Variants in PRKG1 observed in about 807,000 individuals in gnomAD.
The protein encoded by PRKG1 is cGMP-dependent protein kinase 1.
Under a neutral mutation model 88.1 loss-of-function variants are expected in PRKG1, and 35 were observed. The ratio of observed to expected loss-of-function variants is 0.40; its 90% CI spans 0.30 to 0.53. The LOEUF is 0.53. Ranked by LOEUF, PRKG1 falls within the 20% of genes least tolerant of loss-of-function variation. The probability of loss-of-function intolerance (pLI) is 0.59; values close to 1 mark genes in which losing one functional copy is unlikely to be tolerated. For missense variants in PRKG1, 540 were observed against 839.8 expected, an observed-to-expected ratio of 0.64 and a Z score of 4.41; for synonymous variants, 303 against 292.5, an observed-to-expected ratio of 1.04 and a Z score of -0.37.
intron 1 of PRKG1, among the ~76,000 whole-genome samples, chr10:51,012,380 G>C (rs1843003137): frequency 6.6e-6 from 1 of 152,182 alleles, no homozygotes; most frequent in African/African-American, 2.4e-5. Context: ...AATTCTAACA[G>C]TGATATGTGT....
At chr10:51,383,999 G>T (rs1837185432) in intron 2 of PRKG1, among the ~76,000 whole-genome samples, 1 of 152,088 alleles carries the variant, frequency 6.6e-6, no homozygotes, top group South Asian at 2.1e-4. Context: ...GCTTGTAAAT[G>T]AGGTACATTA....
intron 1 of PRKG1, among the ~76,000 whole-genome samples, chr10:50,996,874 G>C (rs1008891124): frequency 6.6e-6 from 1 of 152,124 alleles, no homozygotes; most frequent in Non-Finnish European, 1.5e-5. Flanking sequence ...TTTTGGGAGA[G>C]GATATTTATT....
chr10:51,056,368 A>C (rs1843625988), intron 1 of PRKG1, among the ~76,000 whole-genome samples: 1 of 93,280 alleles, frequency 1.1e-5, no homozygotes, highest in Admixed American at 1.3e-4. Flanking sequence ...ACCTGGTTAC[A>C]CAGGAGCTTG....
intron 1 of PRKG1, among the ~76,000 whole-genome samples, chr10:51,125,879 C>A (rs1845385039): frequency 7.5e-6 from 1 of 132,668 alleles, no homozygotes; most frequent in African/African-American, 2.8e-5. Flanking sequence ...TTTTAATAAA[C>A]TTATATGATT....
At chr10:51,776,912 G>T (rs540918966) in intron 3 of PRKG1, among the ~76,000 whole-genome samples, 2 of 152,208 alleles carry the variant, frequency 1.3e-5, no homozygotes, top group African/African-American at 4.8e-5. Flanking sequence ...TTAGATGTTT[G>T]GAAATCCTAT....
At chr10:51,606,502 G>C (rs917028101) in intron 3 of PRKG1, among the ~76,000 whole-genome samples, 1 of 152,134 alleles carries the variant, frequency 6.6e-6, no homozygotes, top group East Asian at 1.9e-4. Flanking sequence ...ATTGAAGACA[G>C]AGTAATTATA....
intron 5 of PRKG1, among the ~76,000 whole-genome samples, chr10:51,941,877 A>G (rs1448855128): frequency 6.6e-6 from 1 of 151,808 alleles, no homozygotes; most frequent in Non-Finnish European, 1.5e-5. Flanking sequence ...GGTTGGTTCC[A>G]AGTCTTTGCT....
chr10:51,455,904 C>G (rs1298588627), intron 2 of PRKG1, among the ~76,000 whole-genome samples: 1 of 152,170 alleles, frequency 6.6e-6, no homozygotes, highest in Non-Finnish European at 1.5e-5. Flanking sequence ...TGCCTGTTAC[C>G]CAATTTGAAA....
At chr10:51,985,697 G>A (rs1564739757) in intron 5 of PRKG1, among the ~76,000 whole-genome samples, 1 of 151,976 alleles carries the variant, frequency 6.6e-6, no homozygotes, top group Admixed American at 6.6e-5. Flanking sequence ...AAAAATGGTT[G>A]TATCATACTT....
At chr10:51,187,497 T>A (rs1282152622) in intron 2 of PRKG1, among the ~76,000 whole-genome samples, 17 of 152,040 alleles carry the variant, frequency 1.1e-4, no homozygotes, top group Non-Finnish European at 1.3e-4. Context: ...TCTCAGACAT[T>A]CAGATTTTAC....
intron 2 of PRKG1, among the ~76,000 whole-genome samples, chr10:51,268,833 T>A (rs1001571668): frequency 2.0e-5 from 3 of 152,194 alleles, no homozygotes; most frequent in African/African-American, 7.2e-5. Context: ...CCATGAAATC[T>A]TCACAATTTA....
intron 3 of PRKG1, among the ~76,000 whole-genome samples, chr10:51,660,981 A>C (rs1378210767): frequency 2.6e-5 from 4 of 152,124 alleles, no homozygotes; most frequent in Non-Finnish European, 5.9e-5. Context: ...AACATAAATC[A>C]CATATTAGAA....
chr10:51,474,656 A>G (rs546269565), intron 3 of PRKG1, among the ~76,000 whole-genome samples: 20 of 152,118 alleles, frequency 1.3e-4, no homozygotes, highest in Non-Finnish European at 2.5e-4. Flanking sequence ...TAGTTAATAA[A>G]TTTCTTCAAA....
chr10:51,039,529 T>G (rs1040361436), intron 1 of PRKG1, among the ~76,000 whole-genome samples: 2 of 152,192 alleles, frequency 1.3e-5, no homozygotes, highest in African/African-American at 4.8e-5. Context: ...TCCCATTCCT[T>G]GGGTTGTGTC....
chr10:51,542,703 G>T (rs1043995004), intron 3 of PRKG1, among the ~76,000 whole-genome samples: 4 of 151,940 alleles, frequency 2.6e-5, no homozygotes, highest in Non-Finnish European at 1.5e-5. Context: ...GAAGCAGTCT[G>T]GCTGGAAACC....
intron 5 of PRKG1, among the ~76,000 whole-genome samples, chr10:51,955,493 C>A (rs76528648): frequency 0.028 from 4,205 of 152,196 alleles, 198 homozygotes; most frequent in African/African-American, 0.097. Context: ...AAATCAATTT[C>A]TTACTACATG....
At chr10:51,724,359 T>C (rs1842082603) in intron 3 of PRKG1, among the ~76,000 whole-genome samples, 1 of 152,194 alleles carries the variant, frequency 6.6e-6, no homozygotes, top group Admixed American at 6.5e-5. Flanking sequence ...GATTTGACTT[T>C]GGAAGAAGAT....
At chr10:51,340,602 C>A (rs950212102) in intron 2 of PRKG1, among the ~76,000 whole-genome samples, 6 of 152,130 alleles carry the variant, frequency 3.9e-5, no homozygotes, top group African/African-American at 7.2e-5. Flanking sequence ...AGGCATAATG[C>A]CCTACTAAGA....
intron 1 of PRKG1, among the ~76,000 whole-genome samples, chr10:51,124,094 C>T (rs1845336694): frequency 6.6e-6 from 1 of 152,124 alleles, no homozygotes; most frequent in Admixed American, 6.6e-5. Context: ...GAGATCCAAA[C>T]ACTATCATGC....
Sources: gnomAD v4.1 joint callset for allele counts (sites outside exome capture counted in the v4.1 genomes callset) on GRCh38, gnomAD v4.1.1 for gene constraint, MANE v1.5 for transcripts, NCBI Gene and HGNC (gene_info 2026-07-23, HGNC 2026-07-21) for gene names.